COL11A1: variants seen among roughly 807,000 people sequenced by gnomAD.
The protein encoded by COL11A1 is collagen type XI alpha 1 chain, also known as collagen alpha-1(XI) chain.
COL11A1 carries 74 observed loss-of-function variants against 265.2 expected under a neutral mutation model. The ratio of observed to expected loss-of-function variants is 0.28; its 90% CI spans 0.23 to 0.34. The LOEUF (loss-of-function observed/expected upper bound fraction) is 0.34. COL11A1 is among the 10% of genes least tolerant of loss of function. COL11A1 has a pLI of 1.00. For missense variants in COL11A1, 2,165 were observed against 2,263.6 expected, an observed-to-expected ratio of 0.96 and a Z score of 0.88; for synonymous variants, 816 against 727.6, an observed-to-expected ratio of 1.12 and a Z score of -1.96.
In COL11A1 at chr1:102,962,649, G is replaced by T. The variant is rs1400970267; in HGVS notation, c.3024+4C>A. On this transcript the variant is annotated splice_donor_region_variant and intron_variant, in intron 39 of 66. Transcript: ENST00000370096. Reference sequence around the variant, plus strand: ...CAAAAAAAGTTTTCTGAAGCATGTTGTACCTTTGCACCTTCTTTTCCTGCA... The same window carrying T: ...CAAAAAAAGTTTTCTGAAGCATGTTTTACCTTTGCACCTTCTTTTCCTGCA... 2 of 1,613,940 alleles carry T rather than the reference G, an allele frequency of 1.2e-6. No individual in the cohort carries two copies. Among genetic ancestry groups the T allele is most frequent in the Non-Finnish European group, 8.5e-7 (1 of 1,179,886 alleles).
intron 43 of COL11A1, 109 bp from the exon 44 acceptor site, chr1:102,939,197 G>A (rs1275564237): frequency 7.2e-6 from 7 of 973,998 alleles, no homozygotes; most frequent in African/African-American, 1.6e-5. Context: ...ATGCTAGTGT[G>A]TAATGTCACT....
At chr1:103,058,888 T>C (rs1420114373) in intron 4 of COL11A1, among the ~76,000 whole-genome samples, 2 of 152,170 alleles carry the variant, frequency 1.3e-5, no homozygotes, top group Admixed American at 1.3e-4. Context: ...ATAACTGCTA[T>C]GGTGATCTGT....
intron 7 of COL11A1, 58 bp from the exon 8 acceptor site, chr1:103,023,054 G>T: frequency 1.3e-6 from 2 of 1,566,430 alleles, no homozygotes; most frequent in Non-Finnish European, 1.7e-6. Context: ...AGTAAAGCAA[G>T]GTAAGCATTT....
intron 4 of COL11A1, among the ~76,000 whole-genome samples, chr1:103,065,021 G>C (rs1284503282): frequency 6.6e-6 from 1 of 152,148 alleles, no homozygotes; most frequent in Non-Finnish European, 1.5e-5. Context: ...AACACCAAGA[G>C]TGAACATGTA....
At chr1:102,997,336 T>C (rs1411494890) in intron 25 of COL11A1, among the ~76,000 whole-genome samples, 2 of 151,992 alleles carry the variant, frequency 1.3e-5, no homozygotes, top group Non-Finnish European at 2.9e-5. Context: ...TTGATGGATG[T>C]AAGTTTCTTC....
In COL11A1 at chr1:102,940,506, C is replaced by T. The variant is rs536717744; in HGVS notation, c.3277-72G>A. On this transcript the variant is annotated intron_variant, in intron 42 of 66. Transcript: ENST00000370096. ...AGCTACAAGAGTAATAATCTAGCTT[C>T]TATATTTGACAAGGATATTGTTTAA... 2.7e-5 allele frequency: 29 copies of T among 1,071,110 alleles called. No individual in the cohort carries two copies. The South Asian group carries it at 3.5e-4, about 13-fold the overall frequency. 66.4% of individuals were successfully genotyped at this position (1,071,110 alleles called of 1,614,324 possible). A position where few individuals can be genotyped will look rare whatever the true frequency, so the allele number is the denominator to read the frequency against.
chr1:103,050,901 G>A (rs1337765855), intron 4 of COL11A1, among the ~76,000 whole-genome samples: 4 of 152,158 alleles, frequency 2.6e-5, no homozygotes, highest in Non-Finnish European at 4.4e-5. Context: ...CAGCAGCAGA[G>A]GCTGCAGAAC....
chr1:103,018,830 T>G lies in COL11A1; in HGVS notation c.1338A>C (p.Pro446=), dbSNP rs1257635003. The G allele has an allele frequency of 6.2e-7, 1 of 1,612,584 alleles. No homozygotes were observed. The highest frequency in any genetic ancestry group is 1.3e-5 in the African/African-American group (1 of 75,008). Residue 446 remains proline, a synonymous_variant, in exon 10 of 67, where the codon CCA becomes CCC. Transcript: ENST00000370096. ...PGMLVEGPPG[P]AGPAGIMGPP... Reference sequence around the variant, plus strand: ...AACATTTACATACTGCAGGTCCTGCTGGTCCTGGTGGTCCTTCGACAAGCA... The same window carrying G: ...AACATTTACATACTGCAGGTCCTGCGGGTCCTGGTGGTCCTTCGACAAGCA...
chr1:102,904,421 A>G (rs1191772727), intron 54 of COL11A1, among the ~76,000 whole-genome samples: 1 of 152,178 alleles, frequency 6.6e-6, no homozygotes, highest in African/African-American at 2.4e-5. Flanking sequence ...AGAAACTACC[A>G]TCAGAGTGAA....
intron 1 of COL11A1, among the ~76,000 whole-genome samples, chr1:103,083,358 A>G (rs1165828992): frequency 1.3e-5 from 2 of 152,052 alleles, no homozygotes; most frequent in African/African-American, 4.8e-5. Context: ...ATTATAATTT[A>G]TAAAATATTT....
intron 4 of COL11A1, among the ~76,000 whole-genome samples, chr1:103,069,648 A>G (rs529894932): frequency 6.6e-5 from 10 of 152,080 alleles, no homozygotes; most frequent in Non-Finnish European, 1.3e-4. Context: ...TTGCAAACAT[A>G]TATCAGACAA....
At chr1:102,960,746 A>G (rs983281067) in intron 41 of COL11A1, among the ~76,000 whole-genome samples, 17 of 107,742 alleles carry the variant, frequency 1.6e-4, no homozygotes, top group African/African-American at 5.3e-4. Flanking sequence ...GCATGAAGGG[A>G]AAAAAAAAGG....
At chr1:103,078,033 T>C (rs549442961) in intron 3 of COL11A1, among the ~76,000 whole-genome samples, 1 of 152,264 alleles carries the variant, frequency 6.6e-6, no homozygotes, top group African/African-American at 2.4e-5. Context: ...CCAATATTAA[T>C]ATTATTAGTA....
At chr1:103,009,515 C>T (rs562457232) in intron 14 of COL11A1, among the ~76,000 whole-genome samples, 20 of 152,232 alleles carry the variant, frequency 1.3e-4, no homozygotes, top group African/African-American at 4.8e-4. Context: ...GCTTTATAAA[C>T]AAGTTGTGAG....
intron 32 of COL11A1, 131 bp from the exon 33 acceptor site, chr1:102,979,235 G>A: frequency 1.6e-6 from 2 of 1,237,958 alleles, no homozygotes; most frequent in Middle Eastern, 3.7e-4. Flanking sequence ...AGACAGACTT[G>A]CTATGCTGCC....
intron 65 of COL11A1, among the ~76,000 whole-genome samples, chr1:102,881,053 T>G (rs1028378566): frequency 2.0e-5 from 3 of 152,004 alleles, no homozygotes; most frequent in African/African-American, 7.2e-5. Context: ...AAATGGAAAA[T>G]AATAGCTTTT....
At chr1:102,896,133 T>C (rs956205423) in intron 57 of COL11A1, among the ~76,000 whole-genome samples, 31 of 151,704 alleles carry the variant, frequency 2.0e-4, no homozygotes, top group African/African-American at 7.3e-4. Context: ...CATATCCCAA[T>C]TGAACTCACT....
intron 28 of COL11A1, 121 bp from the exon 29 acceptor site, chr1:102,989,692 G>A (rs761711675): frequency 2.7e-5 from 15 of 565,998 alleles, no homozygotes; most frequent in Non-Finnish European, 4.6e-5. Context: ...AAATGTGCAT[G>A]GTAGTTGTGA....
intron 32 of COL11A1, 118 bp downstream of exon 32, chr1:102,979,264 C>T (rs558855419): frequency 8.5e-5 from 104 of 1,220,110 alleles, no homozygotes; most frequent in South Asian, 8.2e-4. Context: ...CCTGGAACTC[C>T]GGGATTCAAG....
Sources: allele counts gnomAD v4.1 joint callset (sites outside exome capture counted in the v4.1 genomes callset), GRCh38; gene constraint gnomAD v4.1.1; transcripts MANE v1.5; gene names NCBI Gene and HGNC (gene_info 2026-07-23, HGNC 2026-07-21).